PPP1CC: variants seen among roughly 807,000 people sequenced by gnomAD.
The protein encoded by PPP1CC is protein phosphatase 1 catalytic subunit gamma, also known as serine/threonine-protein phosphatase PP1-gamma catalytic subunit.
A neutral mutation model predicts 38.4 loss-of-function variants in PPP1CC; 16 were observed. The ratio of observed to expected loss-of-function variants is 0.42; its 90% CI spans 0.28 to 0.63. PPP1CC has a LOEUF of 0.63. Among genes scored for constraint, PPP1CC ranks in the 30% least tolerant of loss-of-function variants. The probability of loss-of-function intolerance (pLI) is 0.25; values close to 1 mark genes in which losing one functional copy is unlikely to be tolerated. For synonymous variants in PPP1CC, 158 were observed against 136.0 expected (o/e 1.16, Z -1.13); for missense variants, 170 against 391.3 (o/e 0.43, Z 4.77).
intron 1 of PPP1CC, among the ~76,000 whole-genome samples, chr12:110,738,088 C>T (rs988706418): frequency 2.0e-5 from 3 of 152,128 alleles, no homozygotes; most frequent in African/African-American, 7.2e-5. Context: ...GGTAATATAC[C>T]ACTGAGTAGA....
rs1454018494 is a variant in PPP1CC, at chr12:110,722,542, G to A, written c.677C>T (p.Thr226Ile). 4 of 1,614,194 alleles carry A rather than the reference G, an allele frequency of 2.5e-6. No individual in the cohort carries two copies. The highest frequency in any genetic ancestry group is 1.7e-5 in the Admixed American group (1 of 60,028). Reference protein sequence around the residue: ...WGENDRGVSFTFGAEVVAKFL... With the variant: ...WGENDRGVSFIFGAEVVAKFL... ...TTTTGCAACCACTTCTGCACCAAAT[G>A]TGAAGGACACTCCTCTGTCATTTTC... Residue 226 changes from threonine to isoleucine, a missense_variant, in exon 5 of 7, where the codon ACA becomes ATA. Physicochemically the swap from Thr to Ile is moderately conservative, Grantham distance 89. This residue lies in a region of PPP1CC where 117 missense variants were observed against 344.4 expected (regional missense o/e 0.34). Transcript: ENST00000335007. The surrounding 1 kb of genome is among the most constrained non-coding windows in gnomAD (Gnocchi z 5.4).
Position 110,722,440 on chromosome 12 carries a change from T to C in PPP1CC, c.747+32A>G. On this transcript the variant is annotated intron_variant, in intron 5 of 6. Coordinates refer to ENST00000335007, the MANE Select transcript of PPP1CC (RefSeq NM_002710.4). The surrounding 1 kb of genome is among the most constrained non-coding windows in gnomAD (Gnocchi z 5.4). ...AGAATCTGTGCTCACACACATGCTC[T>C]TAAGTGTACATGTAAAATTCAAAAT... The C allele has an allele frequency of 6.3e-7, 1 of 1,598,128 alleles. No individual in the cohort carries two copies. Among genetic ancestry groups the C allele is most frequent in the South Asian group, 1.1e-5 (1 of 90,738 alleles).
chr12:110,725,647 C>T (rs2069789841), intron 3 of PPP1CC: 1 of 152,230 alleles, frequency 6.6e-6, no homozygotes, highest in Non-Finnish European at 1.5e-5. Context: ...AACTGATGTT[C>T]TGAGTTTAAA....
the PPP1CC span, among the ~76,000 whole-genome samples, chr12:110,712,124 G>A: frequency 6.6e-6 from 1 of 151,756 alleles, no homozygotes; most frequent in Non-Finnish European, 1.5e-5. Context: ...TTGCCTACAG[G>A]GTCCAGTGCA....
chr12:110,715,898 G>T (rs1003169197), downstream of PPP1CC, among the ~76,000 whole-genome samples: 1 of 150,770 alleles, frequency 6.6e-6, no homozygotes, highest in African/African-American at 2.5e-5. Flanking sequence ...TGGGATTACA[G>T]GCGTGAGCCA....
chr12:110,739,281 C>T (rs1002391064), intron 1 of PPP1CC, among the ~76,000 whole-genome samples: 2 of 151,874 alleles, frequency 1.3e-5, no homozygotes, highest in African/African-American at 4.8e-5. Flanking sequence ...GCACTCCAGC[C>T]TGGGTGACAG....
At chr12:110,713,437 G>A in the PPP1CC span, among the ~76,000 whole-genome samples, 1 of 152,116 alleles carries the variant, frequency 6.6e-6, no homozygotes, top group Non-Finnish European at 1.5e-5. Flanking sequence ...CTGGCCATGT[G>A]TTGACTTTCT....
intron 1 of PPP1CC, among the ~76,000 whole-genome samples, chr12:110,738,018 C>A (rs2069967988): frequency 6.6e-6 from 1 of 152,136 alleles, no homozygotes; most frequent in Non-Finnish European, 1.5e-5. Flanking sequence ...GAGTTTTCTA[C>A]ACCTCGAGTA....
chr12:110,724,164 G>C (rs1245711126), intron 4 of PPP1CC, among the ~76,000 whole-genome samples: 1 of 152,132 alleles, frequency 6.6e-6, no homozygotes, highest in East Asian at 1.9e-4. Context: ...CGTGAACCTG[G>C]GAGGCAGAGC....
chr12:110,715,494 GTAT>G (rs1566078427), downstream of PPP1CC, among the ~76,000 whole-genome samples: 3 of 151,270 alleles, frequency 2.0e-5, no homozygotes, highest in Non-Finnish European at 4.4e-5. Flanking sequence ...CTAATTTTTT[GTAT>G]TATTATATTT....
chr12:110,727,460 T>C lies in PPP1CC; in HGVS notation c.419-2696A>G, dbSNP rs565426527. Among the ~76,000 whole-genome samples, 8 of 152,310 alleles carry C rather than the reference T, an allele frequency of 5.3e-5. No homozygotes were observed. The East Asian group carries it at 1.5e-3, about 29-fold the overall frequency. On this transcript the variant is annotated intron_variant, in intron 3 of 6. Transcript: ENST00000335007. Reference sequence around the variant, plus strand: ...GAAAGGTTTAGCCAGGGTAATCGCCTAGCTTCCAAATCCTAAGATTCTGAG... The same window carrying C: ...GAAAGGTTTAGCCAGGGTAATCGCCCAGCTTCCAAATCCTAAGATTCTGAG...
chr12:110,715,359 C>G (rs1335407869), downstream of PPP1CC, among the ~76,000 whole-genome samples: 1 of 151,936 alleles, frequency 6.6e-6, no homozygotes. Context: ...CTCACTCTGT[C>G]GCCCAGGCTG....
the PPP1CC span, among the ~76,000 whole-genome samples, chr12:110,709,950 T>G: frequency 6.9e-6 from 1 of 145,688 alleles, no homozygotes; most frequent in East Asian, 2.0e-4. Flanking sequence ...ATAATAATAA[T>G]AATAATAATA....
the PPP1CC span, among the ~76,000 whole-genome samples, chr12:110,713,361 G>C: frequency 6.6e-6 from 1 of 151,980 alleles, no homozygotes; most frequent in Non-Finnish European, 1.5e-5. Flanking sequence ...TTGAACTCTC[G>C]AGCTCAGGCA....
rs2069717460 is a variant in PPP1CC at position 110,719,757 on chromosome 12, T to C, written c.*1319A>G. The stretch of plus-strand genomic sequence containing the variant: ...AAGAGTATTAGTATCTGTATTATAA[T>C]CCATCTTTGGAAAACAGACTATTTG... On this transcript the variant is annotated 3_prime_UTR_variant, in exon 7 of 7. Transcript: ENST00000335007. 1 of 207,516 alleles carries C rather than the reference T, an allele frequency of 4.8e-6. No individual in the cohort carries two copies. Among genetic ancestry groups the C allele is most frequent in the African/African-American group, 2.3e-5 (1 of 42,918 alleles). The allele number at this position is 207,516 out of a possible 1,614,324, so 12.9% of individuals were successfully genotyped here. A position where few individuals can be genotyped will look rare whatever the true frequency, so the allele number is the denominator to read the frequency against.
At chr12:110,724,785 T>C (rs776642577) in intron 3 of PPP1CC, 21 bp from the exon 4 acceptor site, 8 of 1,414,688 alleles carry the variant, frequency 5.7e-6, no homozygotes, top group Non-Finnish European at 8.0e-6. Flanking sequence ...AAAGAGAGTA[T>C]TACATTAAAA....
chr12:110,723,594 TA>T (rs1238150540), intron 4 of PPP1CC, among the ~76,000 whole-genome samples: 1 of 152,168 alleles, frequency 6.6e-6, no homozygotes, highest in Non-Finnish European at 1.5e-5. Context: ...ACTGCAGCCT[TA>T]AACCCCTGGG....
chr12:110,734,063 T>A (rs1476827231), intron 1 of PPP1CC, among the ~76,000 whole-genome samples: 1 of 152,162 alleles, frequency 6.6e-6, no homozygotes, highest in Non-Finnish European at 1.5e-5. Context: ...CCTCACAAGC[T>A]TGCTGCATGC....
At chr12:110,727,942 T>C (rs192102568) in intron 3 of PPP1CC, among the ~76,000 whole-genome samples, 148 of 152,276 alleles carry the variant, frequency 9.7e-4, no homozygotes, top group African/African-American at 2.8e-3. Context: ...ATCTTCTAAG[T>C]CATTTTTTAA....
Sources: allele counts gnomAD v4.1 joint callset (sites outside exome capture counted in the v4.1 genomes callset), GRCh38; gene constraint gnomAD v4.1.1; regional missense constraint gnomAD v4.1.1; non-coding constraint Gnocchi (gnomAD v3.1); transcripts MANE v1.5; gene names NCBI Gene and HGNC (gene_info 2026-07-23, HGNC 2026-07-21).